CRYBG1: variants seen among roughly 807,000 people sequenced by gnomAD.
CRYBG1 encodes beta/gamma crystallin domain-containing protein 1.
Under a neutral mutation model 189.2 loss-of-function variants are expected in CRYBG1, and 139 were observed. The observed-to-expected ratio is 0.73, with a 90% confidence interval of 0.64 to 0.85. The LOEUF is 0.85. Ranked by LOEUF, CRYBG1 falls within the 40% of genes least tolerant of loss-of-function variation. The pLI is 0.00. For missense variants in CRYBG1, 2,611 were observed against 2,675.8 expected (o/e 0.98, Z 0.53); for synonymous variants, 1,023 against 1,017.1 (o/e 1.01, Z -0.11).
In CRYBG1 at chr6:106,420,198, A is replaced by G. The variant is rs546521983; in HGVS notation, c.174-31496A>G. On this transcript the variant is annotated intron_variant, in intron 1 of 21. Coordinates refer to ENST00000633556, the MANE Select transcript of CRYBG1 (RefSeq NM_001371242.2). ...CAAGGTTGAAGACACACCCAGGAAA[A>G]AATATAAGCATACAGGAGCATTGGT... Among the ~76,000 whole-genome samples the G allele has an allele frequency of 7.9e-5, 12 of 152,344 alleles. No homozygotes were observed. In the South Asian group the frequency reaches 2.3e-3, roughly 29 times the overall value.
At chr6:106,397,080 T>A (rs1770627946) in intron 1 of CRYBG1, among the ~76,000 whole-genome samples, 1 of 152,244 alleles carries the variant, frequency 6.6e-6, no homozygotes, top group Non-Finnish European at 1.5e-5. Context: ...AAGAGCTATA[T>A]TTTTCCAAGT....
chr6:106,466,791 C>T (rs917579795), intron 2 of CRYBG1, among the ~76,000 whole-genome samples: 20 of 152,096 alleles, frequency 1.3e-4, no homozygotes, highest in African/African-American at 4.8e-4. Context: ...CAGAAAGGAA[C>T]CTTAGGAAGT....
chr6:106,472,026 G>A (rs1772243094), intron 2 of CRYBG1, among the ~76,000 whole-genome samples: 1 of 152,176 alleles, frequency 6.6e-6, no homozygotes, highest in African/African-American at 2.4e-5. Context: ...CTTACTCTCT[G>A]AGCGTTATGC....
chr6:106,563,940 CCTTTA>C lies in CRYBG1; in HGVS notation c.6301+15_6301+19del, dbSNP rs1774798739. On this transcript the variant is annotated intron_variant, in intron 21 of 21. Transcript: ENST00000633556. ...TAGACATTAAAGGTAAGGGTCACTT[CCTTTA>C]TTTTCTTTATTGTAATGTGTATGTC... 1 of 1,593,806 alleles carries C rather than the reference CCTTTA, an allele frequency of 6.3e-7. No individual in the cohort carries two copies. The highest frequency in any genetic ancestry group is 1.3e-5 in the African/African-American group (1 of 74,568).
At chr6:106,372,803 G>T (rs1015517662) in intron 1 of CRYBG1, among the ~76,000 whole-genome samples, 3 of 152,144 alleles carry the variant, frequency 2.0e-5, no homozygotes, top group African/African-American at 7.2e-5. Flanking sequence ...TCATATCAGT[G>T]TATCTCATTC....
intron 1 of CRYBG1, among the ~76,000 whole-genome samples, chr6:106,422,488 T>C (rs1771148928): frequency 6.6e-6 from 1 of 151,902 alleles, no homozygotes; most frequent in African/African-American, 2.4e-5. Flanking sequence ...TGAGCCACCA[T>C]GCCCAGCTAA....
intron 11 of CRYBG1, 138 bp downstream of exon 11, chr6:106,543,735 A>T: frequency 1.0e-6 from 1 of 988,334 alleles, no homozygotes; most frequent in Non-Finnish European, 1.5e-6. Context: ...CATTCTCCTC[A>T]GCCTATAGTG....
intron 1 of CRYBG1, among the ~76,000 whole-genome samples, chr6:106,408,753 C>G (rs1401000980): frequency 6.6e-6 from 1 of 152,212 alleles, no homozygotes; most frequent in East Asian, 1.9e-4. Context: ...ATCACATAAA[C>G]AGAACCAATG....
At chr6:106,362,371 A>G (rs1245199262) in intron 1 of CRYBG1, among the ~76,000 whole-genome samples, 1 of 152,220 alleles carries the variant, frequency 6.6e-6, no homozygotes, top group Non-Finnish European at 1.5e-5. Context: ...ATAAAAAACA[A>G]TGAGAGACAG....
At position 106,512,099 on chromosome 6, in the gene CRYBG1, C is replaced by A; in HGVS notation, c.982C>A (p.Pro328Thr). 6.5e-7 allele frequency: 1 copy of A among 1,534,342 alleles called. No homozygotes were observed. Among genetic ancestry groups the A allele is most frequent in the East Asian group, 2.4e-5 (1 of 40,874 alleles). ...GTGTGCCGAAGAAGGCTCCCTGGGG[C>A]CCCGCAACGCCCGCAGCCAGCCCCC... ...SVCAEEGSLG[P>T]RNARSQPPKG... Residue 328 changes from proline to threonine, a missense_variant, in exon 3 of 22, where the codon CCC (proline) becomes ACC (threonine). By Grantham distance (38) the Pro-to-Thr change is conservative. This residue lies in a region of CRYBG1 where 985 missense variants were observed against 924.4 expected (regional missense o/e 1.07). Coordinates refer to ENST00000633556, the MANE Select transcript of CRYBG1 (RefSeq NM_001371242.2).
rs775322869 is a variant in CRYBG1, at chr6:106,451,710, G to C, written c.190G>C (p.Asp64His). ...AGEARALDVV[D>H]GKYVVRDSQE... ...TCTTTGCAGAGCTTTGGATGTAGTC[G>C]ATGGAAAATATGTGGTTCGAGACTC... The change falls in exon 2 of 22, where the codon GAT becomes CAT. Residue 64 changes from aspartate to histidine, a missense_variant. Asp to His is a moderately conservative substitution (Grantham distance 81). This residue lies in a region of CRYBG1 where 985 missense variants were observed against 924.4 expected (regional missense o/e 1.07). Transcript: ENST00000633556. 48 of 1,533,366 alleles carry C rather than the reference G, an allele frequency of 3.1e-5. No homozygotes were observed. The South Asian group carries it at 5.6e-4, about 18-fold the overall frequency. The allele number at this position is 1,533,366 out of a possible 1,614,324, so 95.0% of individuals were successfully genotyped here.
At chr6:106,498,894 T>C (rs1772918723) in intron 2 of CRYBG1, among the ~76,000 whole-genome samples, 1 of 151,190 alleles carries the variant, frequency 6.6e-6, no homozygotes, top group African/African-American at 2.4e-5. Flanking sequence ...AAAATAAATA[T>C]AGAGGTATAT....
intron 2 of CRYBG1, among the ~76,000 whole-genome samples, chr6:106,468,958 A>T (rs1033607962): frequency 2.0e-5 from 3 of 152,136 alleles, no homozygotes; most frequent in African/African-American, 7.2e-5. Flanking sequence ...GATGAATCAG[A>T]TCCAACTACT....
At chr6:106,383,602 C>T (rs1770328148) in intron 1 of CRYBG1, among the ~76,000 whole-genome samples, 1 of 152,172 alleles carries the variant, frequency 6.6e-6, no homozygotes, top group African/African-American at 2.4e-5. Flanking sequence ...AAAGGCTGGA[C>T]TTTAGTTCCT....
chr6:106,531,394 G>T (rs1773872801), intron 8 of CRYBG1, among the ~76,000 whole-genome samples: 3 of 152,192 alleles, frequency 2.0e-5, no homozygotes, highest in Admixed American at 2.0e-4. Context: ...TCATATAGAA[G>T]AGATATTAGA....
intron 2 of CRYBG1, among the ~76,000 whole-genome samples, chr6:106,484,443 G>A (rs182286128): frequency 1.1e-3 from 169 of 147,030 alleles, no homozygotes; most frequent in African/African-American, 4.0e-3. Flanking sequence ...TCAGCCTCCC[G>A]AGTAACTGGA....
intron 2 of CRYBG1, among the ~76,000 whole-genome samples, chr6:106,456,177 G>A (rs142828294): frequency 0.015 from 2,316 of 152,188 alleles, 50 homozygotes; most frequent in African/African-American, 0.053. Flanking sequence ...TTTTTGAGAC[G>A]GAGTCTCACT....
At chr6:106,433,665 GA>G (rs1438362346) in intron 1 of CRYBG1, among the ~76,000 whole-genome samples, 2 of 146,402 alleles carry the variant, frequency 1.4e-5, no homozygotes, top group Non-Finnish European at 3.0e-5. Flanking sequence ...CCATTTGAAG[GA>G]AAAGATTGCA....
At chr6:106,452,418 T>G in intron 2 of CRYBG1, among the ~76,000 whole-genome samples, 1 of 72,798 alleles carries the variant, frequency 1.4e-5, no homozygotes, top group Non-Finnish European at 2.5e-5. Context: ...AGTGAGACTG[T>G]CTCAAAAAAA....
Sources: allele counts gnomAD v4.1 joint callset (sites outside exome capture counted in the v4.1 genomes callset), GRCh38; gene constraint gnomAD v4.1.1; regional missense constraint gnomAD v4.1.1; transcripts MANE v1.5; gene names NCBI Gene and HGNC (gene_info 2026-07-23, HGNC 2026-07-21).